MYO3B: variants seen among roughly 807,000 people sequenced by gnomAD.
MYO3B encodes myosin-IIIb.
Under a neutral mutation model 174.6 loss-of-function variants are expected in MYO3B, and 156 were observed. That is an observed-to-expected ratio of 0.89 (90% CI 0.78 to 1.02). The LOEUF is 1.02. Among genes scored for constraint, MYO3B ranks in the 50% least tolerant of loss-of-function variants. MYO3B has a pLI of 0.00. For synonymous variants in MYO3B, 563 were observed against 569.1 expected, an observed-to-expected ratio of 0.99 and a Z score of 0.15; for missense variants, 1,632 against 1,639.4, an observed-to-expected ratio of 1.00 and a Z score of 0.08.
chr2:170,340,870 G>T (rs1374500838), intron 8 of MYO3B: 1 of 151,926 alleles, frequency 6.6e-6, no homozygotes, highest in African/African-American at 2.4e-5. Context: ...GTATGCTGAG[G>T]GGCCATATTT....
At chr2:170,243,586 G>A (rs930180853) in intron 7 of MYO3B, among the ~76,000 whole-genome samples, 1 of 152,092 alleles carries the variant, frequency 6.6e-6, no homozygotes, top group African/African-American at 2.4e-5. Flanking sequence ...GAGTAATGTC[G>A]ACCTCATAGA....
rs984050126 is a variant in MYO3B at position 170,641,169 on chromosome 2, G to A, written c.3734-10459G>A. The A allele has an allele frequency of 7.9e-5, 12 of 152,316 alleles. No individual in the cohort carries two copies. In the East Asian group the frequency reaches 2.3e-3, roughly 29 times the overall value. The allele number at this position is 152,316 out of a possible 1,614,324, so 9.4% of individuals were successfully genotyped here. A position where few individuals can be genotyped will look rare whatever the true frequency, so the allele number is the denominator to read the frequency against. On this transcript the variant is annotated intron_variant, in intron 32 of 34. Coordinates refer to ENST00000408978, the MANE Select transcript of MYO3B (RefSeq NM_138995.5). ...CTGTTTCCAACTGAAGAGGAATCCT[G>A]AAACACAAATGGTGAATAAACTGGG...
At chr2:170,473,606 A>C (rs151147648) in intron 25 of MYO3B, among the ~76,000 whole-genome samples, 1 of 152,214 alleles carries the variant, frequency 6.6e-6, no homozygotes, top group Non-Finnish European at 1.5e-5. Context: ...CAGGTAAGTC[A>C]TAGTAGCTCT....
At chr2:170,557,465 G>C (rs907736246) in intron 32 of MYO3B, among the ~76,000 whole-genome samples, 1 of 152,160 alleles carries the variant, frequency 6.6e-6, no homozygotes, top group Non-Finnish European at 1.5e-5. Context: ...CAGGTTGTCT[G>C]CTAAAACAGT....
At chr2:170,192,128 A>G (rs1017226177) in intron 1 of MYO3B, among the ~76,000 whole-genome samples, 4 of 151,984 alleles carry the variant, frequency 2.6e-5, no homozygotes, top group Non-Finnish European at 5.9e-5. Context: ...TTCTTTCTTC[A>G]TGACCTGGAA....
At chr2:170,294,219 C>A (rs1235514127) in intron 7 of MYO3B, among the ~76,000 whole-genome samples, 1 of 151,856 alleles carries the variant, frequency 6.6e-6, no homozygotes, top group Non-Finnish European at 1.5e-5. Context: ...ACAAAATTCT[C>A]CATATACTGT....
At chr2:170,428,179 C>G (rs966761187) in intron 22 of MYO3B, among the ~76,000 whole-genome samples, 1 of 150,844 alleles carries the variant, frequency 6.6e-6, no homozygotes, top group Non-Finnish European at 1.5e-5. Context: ...ATCATAGCAA[C>G]AGAGCCATTG....
At chr2:170,650,743 G>A (rs528040701) in intron 32 of MYO3B, among the ~76,000 whole-genome samples, 80 of 140,680 alleles carry the variant, frequency 5.7e-4, no homozygotes, top group African/African-American at 2.1e-3. Context: ...GAGTGCAGTG[G>A]CACGATCTTG....
At chr2:170,485,418 CACAGAGAG>C (rs1468220730) in intron 25 of MYO3B, among the ~76,000 whole-genome samples, 17 of 130,656 alleles carry the variant, frequency 1.3e-4, no homozygotes, top group South Asian at 2.6e-4. Flanking sequence ...CACACACACA[CACAGAGAG>C]AGAGAGAGAG....
chr2:170,293,715 C>T (rs1030125294), intron 7 of MYO3B, among the ~76,000 whole-genome samples: 21 of 152,144 alleles, frequency 1.4e-4, no homozygotes, highest in African/African-American at 5.1e-4. Flanking sequence ...AGGGATTCAC[C>T]TCACCTTTTG....
intron 7 of MYO3B, among the ~76,000 whole-genome samples, chr2:170,282,040 C>T (rs2093515454): frequency 6.6e-6 from 1 of 152,128 alleles, no homozygotes; most frequent in African/African-American, 2.4e-5. Context: ...AATATTTTCT[C>T]CCATTCAACA....
chr2:170,512,653 A>T (rs957036083), intron 28 of MYO3B, among the ~76,000 whole-genome samples: 1 of 152,196 alleles, frequency 6.6e-6, no homozygotes, highest in Non-Finnish European at 1.5e-5. Context: ...GCAGCAGCTA[A>T]TCTATGGGAC....
chr2:170,246,529 G>GACAC (rs58936698), intron 7 of MYO3B, among the ~76,000 whole-genome samples: 8,270 of 140,168 alleles, frequency 0.059, 358 homozygotes, highest in African/African-American at 0.12. Context: ...TTTGGACATG[G>GACAC]ACACACACAC....
chr2:170,464,202 A>C (rs1178107694), intron 24 of MYO3B, among the ~76,000 whole-genome samples: 1 of 151,572 alleles, frequency 6.6e-6, no homozygotes, highest in Non-Finnish European at 1.5e-5. Flanking sequence ...AAAATGCAAA[A>C]ATTAGGTGTG....
intron 9 of MYO3B, among the ~76,000 whole-genome samples, chr2:170,375,117 A>G (rs2094281630): frequency 6.6e-6 from 1 of 152,112 alleles, no homozygotes; most frequent in Admixed American, 6.5e-5. Context: ...CTATTTGGTC[A>G]TTTCCTTTAT....
chr2:170,460,308 T>C (rs1249526738), intron 23 of MYO3B, among the ~76,000 whole-genome samples: 3 of 151,808 alleles, frequency 2.0e-5, no homozygotes, highest in Non-Finnish European at 4.4e-5. Context: ...ACCAACATGG[T>C]GAAACCCTGT....
chr2:170,248,159 T>C (rs1278868323), intron 7 of MYO3B, among the ~76,000 whole-genome samples: 1 of 152,172 alleles, frequency 6.6e-6, no homozygotes, highest in Admixed American at 6.5e-5. Flanking sequence ...TGGCTGCCCT[T>C]ACTCCTACAG....
chr2:170,230,851 G>C (rs568116846), intron 6 of MYO3B, among the ~76,000 whole-genome samples: 1 of 152,232 alleles, frequency 6.6e-6, no homozygotes, highest in South Asian at 2.1e-4. Flanking sequence ...CATGAAAAAG[G>C]GGTTGCTTGG....
chr2:170,369,805 T>A (rs2094226771), intron 9 of MYO3B, among the ~76,000 whole-genome samples: 1 of 152,130 alleles, frequency 6.6e-6, no homozygotes, highest in East Asian at 1.9e-4. Context: ...GGCTGTAAAG[T>A]GATTTTGGAA....
Sources: allele counts gnomAD v4.1 joint callset (sites outside exome capture counted in the v4.1 genomes callset), GRCh38; gene constraint gnomAD v4.1.1; transcripts MANE v1.5; gene names NCBI Gene and HGNC (gene_info 2026-07-23, HGNC 2026-07-21).